KMT2C: variants seen among roughly 807,000 people sequenced by gnomAD.
The protein encoded by KMT2C is lysine methyltransferase 2C.
A neutral mutation model predicts 507.9 loss-of-function variants in KMT2C; 88 were observed. That is an observed-to-expected ratio of 0.17 (90% CI 0.15 to 0.21). The LOEUF (loss-of-function observed/expected upper bound fraction) is 0.21, where lower values mean the gene tolerates loss of function less well. Among genes scored for constraint, KMT2C ranks in the 10% least tolerant of loss-of-function variants. The pLI is 1.00. For synonymous variants in KMT2C, 2,049 were observed against 2,080.8 expected, an observed-to-expected ratio of 0.98 and a Z score of 0.42; for missense variants, 4,954 against 5,957.8, an observed-to-expected ratio of 0.83 and a Z score of 5.55.
At chr7:152,216,243 A>G (rs1401722693) in intron 23 of KMT2C, among the ~76,000 whole-genome samples, 1 of 152,202 alleles carries the variant, frequency 6.6e-6, no homozygotes, top group African/African-American at 2.4e-5. Flanking sequence ...TTGCATTAAC[A>G]GGGTTTCTAG....
chr7:152,395,307 C>T (rs1263510694), intron 1 of KMT2C, among the ~76,000 whole-genome samples: 1 of 151,896 alleles, frequency 6.6e-6, no homozygotes, highest in Non-Finnish European at 1.5e-5. Flanking sequence ...ATCTCGACTC[C>T]TGAGTAGCTG....
chr7:152,160,707 A>C (rs891836987), intron 43 of KMT2C, among the ~76,000 whole-genome samples: 5 of 149,720 alleles, frequency 3.3e-5, no homozygotes, highest in Middle Eastern at 3.5e-3. Flanking sequence ...ATTTATTTAA[A>C]TCACACTTTA....
chr7:152,347,838 TC>T (rs1252180094), intron 2 of KMT2C, among the ~76,000 whole-genome samples: 8 of 152,210 alleles, frequency 5.3e-5, no homozygotes, highest in African/African-American at 1.9e-4. Flanking sequence ...ACACAGTCCA[TC>T]TACGCATTTT....
In KMT2C at chr7:152,309,960, A is replaced by C. The variant is rs1459055312; in HGVS notation, c.849+6T>G. ...TATGATTTAAATATTTGCTTTGTCT[A>C]CTTACTTCTGTGCTCCCTGAGACAA... On this transcript the variant is annotated splice_donor_region_variant and intron_variant, in intron 6 of 58. Coordinates refer to ENST00000262189, the MANE Select transcript of KMT2C (RefSeq NM_170606.3). 1 of 1,535,562 alleles carries C rather than the reference A, an allele frequency of 6.5e-7. No individual in the cohort carries two copies. The highest frequency in any genetic ancestry group is 9.0e-7 in the Non-Finnish European group (1 of 1,110,252).
At chr7:152,274,718 T>G (rs1055520976) in intron 6 of KMT2C, among the ~76,000 whole-genome samples, 2 of 152,246 alleles carry the variant, frequency 1.3e-5, no homozygotes, top group African/African-American at 4.8e-5. Flanking sequence ...GACATCTCTC[T>G]GTGGGAAATG....
At chr7:152,294,022 CTT>C (rs5888465) in intron 6 of KMT2C, among the ~76,000 whole-genome samples, 118 of 133,096 alleles carry the variant, frequency 8.9e-4, no homozygotes, top group African/African-American at 2.8e-3. Context: ...CCACACCTGC[CTT>C]TTTTTTTTTT....
intron 1 of KMT2C, among the ~76,000 whole-genome samples, chr7:152,413,364 C>T (rs2097701364): frequency 6.6e-6 from 1 of 152,254 alleles, no homozygotes; most frequent in African/African-American, 2.4e-5. Context: ...CCGCCTGCCT[C>T]AGCCTCCTAA....
In KMT2C at chr7:152,367,980, A is replaced by G. The variant is rs1209794995; in HGVS notation, c.162-9305T>C. Reference sequence around the variant, plus strand: ...GGAATGCCAACAGTTTAAAAAACAGATAATGAAAGAAATCCAAGAACATAA... The same window carrying G: ...GGAATGCCAACAGTTTAAAAAACAGGTAATGAAAGAAATCCAAGAACATAA... On this transcript the variant is annotated intron_variant, in intron 1 of 58. Coordinates refer to ENST00000262189, the MANE Select transcript of KMT2C (RefSeq NM_170606.3). The G allele has an allele frequency of 3.4e-6, 3 of 878,690 alleles. No homozygotes were observed. The Admixed American group carries it at 6.2e-5, about 18-fold the overall frequency. 54.4% of individuals were successfully genotyped at this position (878,690 alleles called of 1,614,324 possible).
intron 4 of KMT2C, among the ~76,000 whole-genome samples, chr7:152,312,661 A>C (rs1221497224): frequency 6.6e-6 from 1 of 152,230 alleles, no homozygotes; most frequent in Non-Finnish European, 1.5e-5. Flanking sequence ...CTAAAAAAAG[A>C]ACATTGAATA....
In KMT2C at chr7:152,144,814, C is replaced by T. The variant is rs773125481; in HGVS notation, c.14242G>A (p.Ala4748Thr). The T allele has an allele frequency of 1.1e-5, 17 of 1,613,950 alleles. No homozygotes were observed. Among genetic ancestry groups the T allele is most frequent in the East Asian group, 4.5e-5 (2 of 44,898 alleles). ...TGAACAAACTGTTTACTATAAGGTG[C>T]GTTCAGTTCTCCAGTGACTGTGCTC... ...FQSTVTGELN[A>T]PYSKQFVHSK... is the part of the protein sequence containing the mutation. The change falls in exon 55 of 59, where the codon GCA (alanine) becomes ACA (threonine). Residue 4748 changes from alanine to threonine, a missense_variant. Ala to Thr is a moderately conservative substitution (Grantham distance 58, BLOSUM62 0). Coordinates refer to ENST00000262189, the MANE Select transcript of KMT2C (RefSeq NM_170606.3). This position sits in a 1 kb window ranked among gnomAD's most constrained non-coding sequence, Gnocchi z 4.4.
At chr7:152,178,272 A>T (rs538110111) in intron 37 of KMT2C, among the ~76,000 whole-genome samples, 6 of 152,284 alleles carry the variant, frequency 3.9e-5, no homozygotes, top group African/African-American at 1.4e-4. Context: ...AAAAATGAAG[A>T]CAAAGGAAGA....
chr7:152,432,527 A>G (rs1343180702), intron 1 of KMT2C, among the ~76,000 whole-genome samples: 3 of 152,232 alleles, frequency 2.0e-5, no homozygotes, highest in Admixed American at 6.5e-5. Flanking sequence ...AAATGAATGT[A>G]AATTTCACTG....
chr7:152,169,386 T>C (rs1229767538), intron 40 of KMT2C, 137 bp from the exon 41 acceptor site: 1 of 620,444 alleles, frequency 1.6e-6, no homozygotes, highest in Non-Finnish European at 2.8e-6. Context: ...TAAAGGTTTT[T>C]TTATAAAAAG....
chr7:152,199,114 T>C (rs957573280), intron 27 of KMT2C, among the ~76,000 whole-genome samples, 165 bp downstream of exon 27: 1 of 152,236 alleles, frequency 6.6e-6, no homozygotes, highest in African/African-American at 2.4e-5. Context: ...CTTATACACC[T>C]GTCCACTTAA....
chr7:152,209,446 C>T (rs1350484636), intron 23 of KMT2C, among the ~76,000 whole-genome samples: 1 of 133,142 alleles, frequency 7.5e-6, no homozygotes, highest in Admixed American at 7.6e-5. Flanking sequence ...GACAGCGGGA[C>T]TCCGTCTCAA....
At chr7:152,189,782 TTTA>T (rs1219589348) in intron 31 of KMT2C, among the ~76,000 whole-genome samples, 3 of 152,208 alleles carry the variant, frequency 2.0e-5, no homozygotes, top group Non-Finnish European at 4.4e-5. Flanking sequence ...GACACTTACA[TTTA>T]CTCCAAGGAT....
intron 2 of KMT2C, among the ~76,000 whole-genome samples, chr7:152,350,593 G>C (rs2097102960): frequency 6.6e-6 from 1 of 152,130 alleles, no homozygotes; most frequent in African/African-American, 2.4e-5. Flanking sequence ...TAAGAATACA[G>C]TGTAAAAACA....
Position 152,297,051 on chromosome 7 carries a change from AAGACAGAGAGAGAG to A in KMT2C, c.849+12901_849+12914del, listed in dbSNP as rs1392003337. On this transcript the variant is annotated intron_variant, in intron 6 of 58. Coordinates refer to ENST00000262189, the MANE Select transcript of KMT2C (RefSeq NM_170606.3). Reference sequence around the variant, plus strand: ...AAAGAAAGAAAGAAAGAAAGAAAGAAAGACAGAGAGAGAGAGAGAGAGAGAGAGAGAGAGAGAGA... The same window carrying A: ...AAAGAAAGAAAGAAAGAAAGAAAGAAAGAGAGAGAGAGAGAGAGAGAGAGA... 3.2e-4 allele frequency among the ~76,000 whole-genome samples: 19 copies of A among 60,240 alleles called. 1 individual carries two copies. The highest frequency in any genetic ancestry group is 1.2e-3 in the African/African-American group (18 of 14,756). 39.5% of individuals were successfully genotyped at this position (60,240 alleles called of 152,430 possible).
chr7:152,165,029 C>G (rs1361706871), intron 42 of KMT2C, among the ~76,000 whole-genome samples: 1 of 152,224 alleles, frequency 6.6e-6, no homozygotes, highest in Non-Finnish European at 1.5e-5. Context: ...CCCAGGTAGA[C>G]TAATACTTTC....
Sources: gnomAD v4.1 joint callset for allele counts (sites outside exome capture counted in the v4.1 genomes callset) on GRCh38, gnomAD v4.1.1 for gene constraint, Gnocchi (gnomAD v3.1) non-coding constraint, MANE v1.5 for transcripts, NCBI Gene and HGNC (gene_info 2026-07-23, HGNC 2026-07-21) for gene names.